The following SFI1 variants were observed in gnomAD, a reference collection of about 807,000 sequenced individuals.
SFI1 encodes the protein SFI1 centrin binding protein.
SFI1 carries 195 observed loss-of-function variants against 207.5 expected under a neutral mutation model. That is an observed-to-expected ratio of 0.94 (90% CI 0.84 to 1.06). The LOEUF is 1.06. Among genes scored for constraint, SFI1 ranks in the 50% least tolerant of loss-of-function variants. The pLI is 0.00. For missense variants in SFI1, 1,634 were observed against 1,588.0 expected (o/e 1.03, Z -0.49); for synonymous variants, 630 against 598.9 (o/e 1.05, Z -0.76).
intron 22 of SFI1, among the ~76,000 whole-genome samples, chr22:31,610,392 C>T (rs1389227929): frequency 6.6e-6 from 1 of 152,176 alleles, no homozygotes; most frequent in Non-Finnish European, 1.5e-5. Flanking sequence ...ACACTTAGGA[C>T]AGAGCCCAGG....
chr22:31,545,377 A>G (rs1028936640), intron 4 of SFI1, among the ~76,000 whole-genome samples: 2 of 149,066 alleles, frequency 1.3e-5, no homozygotes, highest in African/African-American at 2.5e-5. Context: ...AAAAAAAAAG[A>G]AAAAAAAAAT....
At chr22:31,521,006 A>G (rs940798158) in intron 2 of SFI1, among the ~76,000 whole-genome samples, 5 of 149,278 alleles carry the variant, frequency 3.3e-5, no homozygotes, top group Non-Finnish European at 7.5e-5. Context: ...CTGTCTCAAA[A>G]AAAAAAAAAA....
Position 31,546,843 on chromosome 22 carries a change from A to G in SFI1, c.339-18A>G. ...TCCAACATCATCATATATATATATG[A>G]TTTTTTTTTTGCCGTAGATTTTACT... On this transcript the variant is annotated intron_variant, in intron 4 of 32. Transcript: ENST00000400288. 2 of 1,343,670 alleles carry G rather than the reference A, an allele frequency of 1.5e-6. No homozygotes were observed. Among genetic ancestry groups the G allele is most frequent in the African/African-American group, 1.5e-5 (1 of 67,340 alleles). 83.2% of individuals were successfully genotyped at this position (1,343,670 alleles called of 1,614,324 possible). A position where few individuals can be genotyped will look rare whatever the true frequency, so the allele number is the denominator to read the frequency against.
chr22:31,501,741 G>T (rs1057203440), intron 1 of SFI1, among the ~76,000 whole-genome samples: 2 of 152,110 alleles, frequency 1.3e-5, no homozygotes, highest in African/African-American at 2.4e-5. Flanking sequence ...TTTGATTATA[G>T]TCTATACATT....
chr22:31,559,113 T>G (rs1047906081), intron 7 of SFI1, among the ~76,000 whole-genome samples: 1 of 152,056 alleles, frequency 6.6e-6, no homozygotes, highest in Middle Eastern at 3.2e-3. Flanking sequence ...AGCCTATTTA[T>G]TGAGGGTTTA....
intron 8 of SFI1, among the ~76,000 whole-genome samples, chr22:31,564,610 T>A (rs1170254615): frequency 6.6e-6 from 1 of 151,724 alleles, no homozygotes; most frequent in East Asian, 1.9e-4. Flanking sequence ...GCTTAAGTGA[T>A]CCTCCCACCT....
At chr22:31,611,900 C>A in intron 24 of SFI1, 60 bp downstream of exon 24, 1 of 1,602,926 alleles carries the variant, frequency 6.2e-7, no homozygotes, top group Non-Finnish European at 8.5e-7. Context: ...CCTGTGAGGC[C>A]TGGGCAGTGA....
At chr22:31,617,208 G>C in intron 31 of SFI1, 130 bp downstream of exon 31, 1 of 907,468 alleles carries the variant, frequency 1.1e-6, no homozygotes, top group Non-Finnish European at 1.7e-6. Context: ...TAGCCATGGA[G>C]GGGTGTGGGG....
intron 2 of SFI1, 138 bp downstream of exon 2, chr22:31,508,514 A>C (rs1180718132): frequency 3.3e-6 from 2 of 609,596 alleles, no homozygotes; most frequent in Non-Finnish European, 5.7e-6. Context: ...TGATATTTCA[A>C]ATTTTTCATC....
At chr22:31,503,975 C>A (rs1350168926) in intron 1 of SFI1, among the ~76,000 whole-genome samples, 1 of 152,036 alleles carries the variant, frequency 6.6e-6, no homozygotes, top group Non-Finnish European at 1.5e-5. Flanking sequence ...TGAAAGCAAA[C>A]CTGTGTCCTA....
At position 31,611,161 on chromosome 22, in the gene SFI1, T is replaced by G; in HGVS notation, c.2273T>G (p.Phe758Cys). 6.2e-7 allele frequency: 1 copy of G among 1,614,154 alleles called. No individual in the cohort carries two copies. Among genetic ancestry groups the G allele is most frequent in the Non-Finnish European group, 8.5e-7 (1 of 1,180,042 alleles). ...VLDRGCLRTW[F>C]QRWWDCSRRS... is the part of the protein sequence containing the mutation. ...GCCTTAGGCTGTCTGCGGACCTGGTTTCAGCGCTGGTGGGACTGCAGCCGG... is the reference window on the plus strand; with the variant it reads ...GCCTTAGGCTGTCTGCGGACCTGGTGTCAGCGCTGGTGGGACTGCAGCCGG... Residue 758 changes from phenylalanine to cysteine, a missense_variant, in exon 23 of 33, where the codon TTT becomes TGT. Coordinates refer to ENST00000400288, the MANE Select transcript of SFI1 (RefSeq NM_001007467.3).
At chr22:31,588,595 G>A (rs375382984) in intron 14 of SFI1, among the ~76,000 whole-genome samples, 1,635 of 152,234 alleles carry the variant, frequency 0.011, 8 homozygotes, top group Middle Eastern at 0.031. Context: ...CAGGCAGATC[G>A]TGAGGTCAAG....
At chr22:31,604,127 C>T (rs2147055564) in intron 18 of SFI1, among the ~76,000 whole-genome samples, 182 bp from the exon 19 acceptor site, 1 of 152,284 alleles carries the variant, frequency 6.6e-6, no homozygotes, top group East Asian at 1.9e-4. Context: ...TGAGCTTTTA[C>T]CGCAAATCAA....
chr22:31,568,319 G>C (rs960974218), intron 8 of SFI1, among the ~76,000 whole-genome samples: 1 of 150,154 alleles, frequency 6.7e-6, no homozygotes. Flanking sequence ...CCGAGGTCAG[G>C]AGTTCGAGAC....
At chr22:31,584,300 C>T (rs112753624) in intron 13 of SFI1, among the ~76,000 whole-genome samples, 5 of 152,270 alleles carry the variant, frequency 3.3e-5, no homozygotes, top group African/African-American at 9.6e-5. Flanking sequence ...GGGTCAGGGA[C>T]ATTTGTGACT....
chr22:31,501,029 C>G (rs2053674764), intron 1 of SFI1, among the ~76,000 whole-genome samples: 1 of 150,416 alleles, frequency 6.6e-6, no homozygotes. Context: ...GAACTCCTGA[C>G]CCCGTGACCC....
At chr22:31,539,885 T>G (rs896567765) in intron 4 of SFI1, among the ~76,000 whole-genome samples, 14 of 151,966 alleles carry the variant, frequency 9.2e-5, no homozygotes, top group Non-Finnish European at 1.9e-4. Context: ...CTGGCTACTT[T>G]TTGAATTTTT....
intron 14 of SFI1, chr22:31,588,010 G>A (rs1453451092): frequency 6.6e-6 from 1 of 152,114 alleles, no homozygotes. Context: ...CTATTGCTAT[G>A]TAAAAAATCA....
chr22:31,593,222 GC>G (rs1233108992), intron 15 of SFI1, among the ~76,000 whole-genome samples: 8 of 150,890 alleles, frequency 5.3e-5, no homozygotes, highest in Non-Finnish European at 7.4e-5. Context: ...GGGCGGAGGG[GC>G]TCCTCACTTC....
Sources: gnomAD v4.1 joint callset for allele counts (sites outside exome capture counted in the v4.1 genomes callset) on GRCh38, gnomAD v4.1.1 for gene constraint, MANE v1.5 for transcripts, NCBI Gene and HGNC (gene_info 2026-07-23, HGNC 2026-07-21) for gene names.